KIRREL3: variants seen among roughly 807,000 people sequenced by gnomAD.
KIRREL3 encodes kirre like nephrin family adhesion molecule 3.
Under a neutral mutation model 89.7 loss-of-function variants are expected in KIRREL3, and 36 were observed. The ratio of observed to expected loss-of-function variants is 0.40; its 90% CI spans 0.31 to 0.53. The LOEUF (loss-of-function observed/expected upper bound fraction) is 0.53. KIRREL3 is among the 20% of genes least tolerant of loss of function. KIRREL3 has a pLI of 0.49. For synonymous variants in KIRREL3, 445 were observed against 441.4 expected, an observed-to-expected ratio of 1.01 and a Z score of -0.10; for missense variants, 864 against 1,056.6, an observed-to-expected ratio of 0.82 and a Z score of 2.53.
rs971079756 is a variant in KIRREL3 at position 126,431,597 on chromosome 11, C to T, written c.1589-71G>A. On this transcript the variant is annotated intron_variant, in intron 13 of 16. Coordinates refer to ENST00000525144, the MANE Select transcript of KIRREL3 (RefSeq NM_032531.4). This position sits in a 1 kb window ranked among gnomAD's most constrained non-coding sequence, Gnocchi z 7.1. Reference sequence around the variant, plus strand: ...CTACTATCCCCCCATGATCTCACCCCGTTCCTGCGGGGGCAGCCCCTGCCA... The same window carrying T: ...CTACTATCCCCCCATGATCTCACCCTGTTCCTGCGGGGGCAGCCCCTGCCA... 50 of 1,463,464 alleles carry T rather than the reference C, an allele frequency of 3.4e-5. No homozygotes were observed. Among genetic ancestry groups the T allele is most frequent in the African/African-American group, 2.4e-4 (17 of 72,080 alleles). The allele number at this position is 1,463,464 out of a possible 1,614,324, so 90.7% of individuals were successfully genotyped here.
At position 126,541,005 on chromosome 11, in the gene KIRREL3, A is replaced by G. The variant is rs189091677; in HGVS notation, c.134-14318T>C. On this transcript the variant is annotated intron_variant, in intron 2 of 16. Transcript: ENST00000525144. This position sits in a 1 kb window ranked among gnomAD's most constrained non-coding sequence, Gnocchi z 4.8. ...GAGTGGCACTAAGGGGCAGGGATGGAACTATGCCATTAGCTCAAGAGGGAG... is the reference window on the plus strand; with the variant it reads ...GAGTGGCACTAAGGGGCAGGGATGGGACTATGCCATTAGCTCAAGAGGGAG... 4.6e-5 allele frequency among the ~76,000 whole-genome samples: 7 copies of G among 152,252 alleles called. No homozygotes were observed. The highest frequency in any genetic ancestry group is 8.8e-5 in the Non-Finnish European group (6 of 68,022).
intron 1 of KIRREL3, among the ~76,000 whole-genome samples, chr11:126,927,055 T>C (rs1947749075): frequency 6.6e-6 from 1 of 152,208 alleles, no homozygotes; most frequent in African/African-American, 2.4e-5. Context: ...TACTTGGATA[T>C]TGAAAGGCAG....
intron 1 of KIRREL3, among the ~76,000 whole-genome samples, chr11:126,693,633 C>CA (rs1231272271): frequency 3.8e-5 from 4 of 104,718 alleles, no homozygotes; most frequent in Admixed American, 2.9e-4. Flanking sequence ...ACACACACAC[C>CA]CATAGTCAGA....
In KIRREL3 at chr11:126,969,279, G is replaced by A. The variant is rs1949364882; in HGVS notation, c.55+31176C>T. 6.6e-6 allele frequency among the ~76,000 whole-genome samples: 1 copy of A among 152,166 alleles called. No homozygotes were observed. Among genetic ancestry groups the A allele is most frequent in the Non-Finnish European group, 1.5e-5 (1 of 68,030 alleles). On this transcript the variant is annotated intron_variant, in intron 1 of 16. Coordinates refer to ENST00000525144, the MANE Select transcript of KIRREL3 (RefSeq NM_032531.4). This position sits in a 1 kb window ranked among gnomAD's most constrained non-coding sequence, Gnocchi z 4.9. ...GCCTCCCATGGACACAGGGAATGAA[G>A]GGATAGACAGATGTCCTATCTTTGG... is the stretch of plus-strand genomic sequence containing the variant.
rs1337887830 is a variant in KIRREL3 at position 126,931,885 on chromosome 11, G to A, written c.55+68570C>T. 6.6e-6 allele frequency among the ~76,000 whole-genome samples: 1 copy of A among 152,192 alleles called. No individual in the cohort carries two copies. Among genetic ancestry groups the A allele is most frequent in the Admixed American group, 6.5e-5 (1 of 15,282 alleles). On this transcript the variant is annotated intron_variant, in intron 1 of 16. Coordinates refer to ENST00000525144, the MANE Select transcript of KIRREL3 (RefSeq NM_032531.4). This position sits in a 1 kb window ranked among gnomAD's most constrained non-coding sequence, Gnocchi z 5.1. ...CTCACCCCAATAGGAGTAGATGGAC[G>A]AGGCATACTCGTACCAAGGAGGGCA...
rs1957299636 is a variant in KIRREL3, at chr11:126,484,517, A to C, written c.434-11051T>G. ...GTAGTCAAGTTACTTGCCCAACATCACATAGCTAGTAAGCAGCAGAGCTGG... is the reference window on the plus strand; with the variant it reads ...GTAGTCAAGTTACTTGCCCAACATCCCATAGCTAGTAAGCAGCAGAGCTGG... On this transcript the variant is annotated intron_variant, in intron 4 of 16. Transcript: ENST00000525144. This position sits in a 1 kb window ranked among gnomAD's most constrained non-coding sequence, Gnocchi z 5.2. Among the ~76,000 whole-genome samples the C allele has an allele frequency of 6.6e-6, 1 of 152,234 alleles. No homozygotes were observed. Among genetic ancestry groups the C allele is most frequent in the South Asian group, 2.1e-4 (1 of 4,836 alleles).
chr11:126,617,187 A>G (rs1428661380), intron 1 of KIRREL3, among the ~76,000 whole-genome samples: 1 of 152,232 alleles, frequency 6.6e-6, no homozygotes, highest in Non-Finnish European at 1.5e-5. Flanking sequence ...GACCCACAGA[A>G]TGGGAGAAGC....
At position 126,564,117 on chromosome 11, in the gene KIRREL3, G is replaced by A. The variant is rs1940336472; in HGVS notation, c.56-1205C>T. On this transcript the variant is annotated intron_variant, in intron 1 of 16. Transcript: ENST00000525144. The surrounding 1 kb of genome is among the most constrained non-coding windows in gnomAD (Gnocchi z 7.4). The stretch of plus-strand genomic sequence containing the variant: ...TTCCTGGCCCTTGCCAGGGTTTCTG[G>A]GCTCCTCCCTGCTCCTTCCTTTGAT... 6.6e-6 allele frequency among the ~76,000 whole-genome samples: 1 copy of A among 152,186 alleles called. No homozygotes were observed. Among genetic ancestry groups the A allele is most frequent in the South Asian group, 2.1e-4 (1 of 4,830 alleles).
chr11:126,813,393 C>T (rs118001275), intron 1 of KIRREL3, among the ~76,000 whole-genome samples: 23 of 152,288 alleles, frequency 1.5e-4, no homozygotes, highest in Admixed American at 6.5e-4. Context: ...TAGTTTGCTG[C>T]TCCTGGGGTA....
chr11:126,586,867 C>T (rs1232558879), intron 1 of KIRREL3, among the ~76,000 whole-genome samples: 1 of 152,088 alleles, frequency 6.6e-6, no homozygotes, highest in Non-Finnish European at 1.5e-5. Flanking sequence ...ACTGACCCAG[C>T]TTGTAGAGAG....
At chr11:126,506,115 A>C (rs1016550392) in intron 4 of KIRREL3, among the ~76,000 whole-genome samples, 11 of 152,238 alleles carry the variant, frequency 7.2e-5, no homozygotes, top group African/African-American at 2.7e-4. Flanking sequence ...AAAACTTAAA[A>C]TGCACCAAGA....
chr11:126,458,452 C>T (rs1031810115), intron 6 of KIRREL3, among the ~76,000 whole-genome samples: 1 of 104,090 alleles, frequency 9.6e-6, no homozygotes, highest in Non-Finnish European at 2.0e-5. Context: ...CAGACCGAGC[C>T]GGCCTTACTC....
At chr11:126,468,423 C>T (rs1207338661) in intron 5 of KIRREL3, among the ~76,000 whole-genome samples, 2 of 152,240 alleles carry the variant, frequency 1.3e-5, no homozygotes, top group East Asian at 1.9e-4. Context: ...CAGTGTGGCT[C>T]GCCCTGCACC....
In KIRREL3 at chr11:126,454,867, T is replaced by A. The variant is rs995602103; in HGVS notation, c.848+1482A>T. 6.6e-6 allele frequency among the ~76,000 whole-genome samples: 1 copy of A among 152,158 alleles called. No homozygotes were observed. Among genetic ancestry groups the A allele is most frequent in the African/African-American group, 2.4e-5 (1 of 41,434 alleles). ...AAATGGTTAAACTGGACAGGACAAA[T>A]GGGTTTCATCCTATTTAAAAATATC... On this transcript the variant is annotated intron_variant, in intron 7 of 16. Transcript: ENST00000525144. The surrounding 1 kb of genome is among the most constrained non-coding windows in gnomAD (Gnocchi z 5.8).
intron 1 of KIRREL3, among the ~76,000 whole-genome samples, chr11:126,598,422 A>T (rs1403501417): frequency 6.6e-6 from 1 of 152,232 alleles, no homozygotes; most frequent in Non-Finnish European, 1.5e-5. Context: ...GCTAGAGGTG[A>T]TTGATGCGAA....
chr11:126,504,943 C>G (rs1957976769), intron 4 of KIRREL3, among the ~76,000 whole-genome samples: 1 of 152,166 alleles, frequency 6.6e-6, no homozygotes, highest in Non-Finnish European at 1.5e-5. Flanking sequence ...AAACATTTCA[C>G]AAAACCCAAC....
rs368871708 is a variant in KIRREL3, at chr11:126,473,462, C to T, written c.438G>A (p.Pro146=). 1.2e-5 allele frequency: 18 copies of T among 1,546,050 alleles called. No individual in the cohort carries two copies. Among genetic ancestry groups the T allele is most frequent in the Admixed American group, 6.9e-5 (4 of 57,904 alleles). ...SRPARLTVLV[P]PDDPVILGGP... The stretch of plus-strand genomic sequence containing the variant: ...CCCCCAGGATGACGGGGTCATCAGG[C>T]GGCACTGCGGGGAGAGAAGCAGTGA... Residue 146 remains proline (P), a synonymous_variant, in exon 5 of 17, where the codon CCG becomes CCA. Transcript: ENST00000525144.
At position 126,523,378 on chromosome 11, in the gene KIRREL3, C is replaced by A. The variant is rs1275658306; in HGVS notation, c.284-1914G>T. ...GGTGGGCTGTACAACGGGCCACCAG[C>A]ACTTGTTCCTGGTCAGGCGAGGTAG... On this transcript the variant is annotated intron_variant, in intron 3 of 16. Coordinates refer to ENST00000525144, the MANE Select transcript of KIRREL3 (RefSeq NM_032531.4). This position sits in a 1 kb window ranked among gnomAD's most constrained non-coding sequence, Gnocchi z 4.9. Among the ~76,000 whole-genome samples, 3 of 152,208 alleles carry A rather than the reference C, an allele frequency of 2.0e-5. No homozygotes were observed. The highest frequency in any genetic ancestry group is 4.8e-5 in the African/African-American group (2 of 41,462).
Position 126,791,419 on chromosome 11 carries a change from C to T in KIRREL3, c.55+209036G>A, listed in dbSNP as rs1179174333. Among the ~76,000 whole-genome samples the T allele has an allele frequency of 6.6e-6, 1 of 152,244 alleles. No individual in the cohort carries two copies. The highest frequency in any genetic ancestry group is 1.9e-4 in the East Asian group (1 of 5,200). On this transcript the variant is annotated intron_variant, in intron 1 of 16. Coordinates refer to ENST00000525144, the MANE Select transcript of KIRREL3 (RefSeq NM_032531.4). This position sits in a 1 kb window ranked among gnomAD's most constrained non-coding sequence, Gnocchi z 4.8. ...GCTCACGGGAGCTTCAGCTTGGCCT[C>T]AGCTTATGCGGAGTGAAAGCCCAGC...
Sources: allele counts gnomAD v4.1 joint callset (sites outside exome capture counted in the v4.1 genomes callset), GRCh38; gene constraint gnomAD v4.1.1; non-coding constraint Gnocchi (gnomAD v3.1); transcripts MANE v1.5; gene names NCBI Gene and HGNC (gene_info 2026-07-23, HGNC 2026-07-21).